The following GNG5 variants were observed in gnomAD, a reference collection of about 807,000 sequenced individuals.
The protein encoded by GNG5 is G protein subunit gamma 5, also known as guanine nucleotide-binding protein G(I)/G(S)/G(O) subunit gamma-5.
Under a neutral mutation model 6.2 loss-of-function variants are expected in GNG5, and 2 were observed. That is an observed-to-expected ratio of 0.32 (90% CI 0.13 to 1.01). The LOEUF (loss-of-function observed/expected upper bound fraction) is 1.01, where lower values mean the gene tolerates loss of function less well. Among genes scored for constraint, GNG5 ranks in the 50% least tolerant of loss-of-function variants. The probability of loss-of-function intolerance (pLI) is 0.48; values close to 1 mark genes in which losing one functional copy is unlikely to be tolerated. For missense variants in GNG5, 57 were observed against 80.2 expected (o/e 0.71, Z 1.10); for synonymous variants, 24 against 33.0 (o/e 0.73, Z 0.93).
intron 3 of GNG5, among the ~76,000 whole-genome samples, chr1:84,498,751 G>A (rs1005283268): frequency 2.6e-5 from 4 of 152,106 alleles, no homozygotes; most frequent in Non-Finnish European, 4.4e-5. Context: ...AGATTAACTT[G>A]CTAAGATTAC....
intron 3 of GNG5, among the ~76,000 whole-genome samples, chr1:84,500,478 A>C (rs1190707081): frequency 6.6e-6 from 1 of 152,218 alleles, no homozygotes; most frequent in Non-Finnish European, 1.5e-5. Flanking sequence ...TATTTTATTC[A>C]AATGAAAATA....
chr1:84,505,963 C>CCCG (rs749498751), intron 2 of GNG5, 48 bp downstream of exon 2: 35 of 1,359,676 alleles, frequency 2.6e-5, no homozygotes, highest in East Asian at 6.3e-5. Flanking sequence ...CCGGATCCCA[C>CCCG]CCGCCGCCGC....
Position 84,506,172 on chromosome 1 carries a change from C to T in GNG5, c.-81G>A. The T allele has an allele frequency of 1.7e-6, 2 of 1,164,376 alleles. No homozygotes were observed. Among genetic ancestry groups the T allele is most frequent in the Non-Finnish European group, 2.4e-6 (2 of 839,808 alleles). The allele number at this position is 1,164,376 out of a possible 1,614,324, so 72.1% of individuals were successfully genotyped here. A position where few individuals can be genotyped will look rare whatever the true frequency, so the allele number is the denominator to read the frequency against. On this transcript the variant is annotated 5_prime_UTR_variant, in exon 2 of 4. Coordinates refer to ENST00000370645, the MANE Select transcript of GNG5 (RefSeq NM_005274.3). ...GGCGGGGCCAGACAACTCAGCGGCG[C>T]GCGGCGGGGGCGGGGCTCCGAACTT...
Position 84,501,842 on chromosome 1 carries a change from T to A in GNG5, c.*3A>T, listed in dbSNP as rs1169024782. 1 of 1,607,730 alleles carries A rather than the reference T, an allele frequency of 6.2e-7. No individual in the cohort carries two copies. The highest frequency in any genetic ancestry group is 1.3e-5 in the African/African-American group (1 of 74,898). On this transcript the variant is annotated 3_prime_UTR_variant, in exon 3 of 4. Coordinates refer to ENST00000370645, the MANE Select transcript of GNG5 (RefSeq NM_005274.3). ...GAAACTTACCTTTGAAAGATTCATT[T>A]TACTACAAAAAGGAACAGACTTTCT... is the stretch of plus-strand genomic sequence containing the variant.
In GNG5 at chr1:84,506,154, C is replaced by T. The variant is rs1461945694; in HGVS notation, c.-63G>A. 9.3e-6 allele frequency: 13 copies of T among 1,390,736 alleles called. No individual in the cohort carries two copies. In the South Asian group the frequency reaches 1.5e-4, roughly 17 times the overall value. 86.1% of individuals were successfully genotyped at this position (1,390,736 alleles called of 1,614,324 possible). ...GGTCGTGGGCCGTGGGTCGGCGGGGCCAGACAACTCAGCGGCGCGCGGCGG... is the reference window on the plus strand; with the variant it reads ...GGTCGTGGGCCGTGGGTCGGCGGGGTCAGACAACTCAGCGGCGCGCGGCGG... On this transcript the variant is annotated 5_prime_UTR_variant, in exon 2 of 4. Coordinates refer to ENST00000370645, the MANE Select transcript of GNG5 (RefSeq NM_005274.3).
At chr1:84,499,473 AATAGAG>A (rs1682008653) in intron 3 of GNG5, among the ~76,000 whole-genome samples, 1 of 152,222 alleles carries the variant, frequency 6.6e-6, no homozygotes, top group Non-Finnish European at 1.5e-5. Flanking sequence ...CTAGAAACTT[AATAGAG>A]GTACTAAGTA....
intron 2 of GNG5, among the ~76,000 whole-genome samples, chr1:84,503,097 A>C (rs1682089766): frequency 1.3e-5 from 2 of 152,248 alleles, no homozygotes; most frequent in Non-Finnish European, 2.9e-5. Flanking sequence ...ACTGGGCAGA[A>C]ATCTGTCACT....
In GNG5 at chr1:84,506,312, G is replaced by A; in HGVS notation, c.-210-11C>T. 1 of 406,288 alleles carries A rather than the reference G, an allele frequency of 2.5e-6. No homozygotes were observed. Among genetic ancestry groups the A allele is most frequent in the Non-Finnish European group, 4.4e-6 (1 of 225,960 alleles). 25.2% of individuals were successfully genotyped at this position (406,288 alleles called of 1,614,324 possible). A position where few individuals can be genotyped will look rare whatever the true frequency, so the allele number is the denominator to read the frequency against. The stretch of plus-strand genomic sequence containing the variant: ...GCCCCGAGCGCGAGCCTGGAGGAGG[G>A]GGAGGAGAAGGGGCGGAGCAGTCGG... On this transcript the variant is annotated splice_polypyrimidine_tract_variant and intron_variant, in intron 1 of 3. Transcript: ENST00000370645.
At chr1:84,505,870 C>T in intron 2 of GNG5, 141 bp downstream of exon 2, 2 of 524,024 alleles carry the variant, frequency 3.8e-6, no homozygotes, top group Non-Finnish European at 6.0e-6. Context: ...TGGCCGCTCC[C>T]CGATCGCCGC....
rs1682061541 is a variant in GNG5 at position 84,501,769 on chromosome 1, G to C, written c.*19+57C>G. On this transcript the variant is annotated intron_variant, in intron 3 of 3. Coordinates refer to ENST00000370645, the MANE Select transcript of GNG5 (RefSeq NM_005274.3). ...TGATCTTTTAAGTGCTGCAAAGAAAGAGAAGACTAGTTATTCCTACAGTGT... is the reference window on the plus strand; with the variant it reads ...TGATCTTTTAAGTGCTGCAAAGAAACAGAAGACTAGTTATTCCTACAGTGT... The C allele has an allele frequency of 1.1e-5, 11 of 1,034,198 alleles. No homozygotes were observed. The Admixed American group carries it at 2.0e-4, about 19-fold the overall frequency. The allele number at this position is 1,034,198 out of a possible 1,614,324, so 64.1% of individuals were successfully genotyped here. A position where few individuals can be genotyped will look rare whatever the true frequency, so the allele number is the denominator to read the frequency against.
Position 84,506,151 on chromosome 1 carries a change from G to T in GNG5, c.-60C>A. On this transcript the variant is annotated 5_prime_UTR_variant, in exon 2 of 4. Transcript: ENST00000370645. The stretch of plus-strand genomic sequence containing the variant: ...GTGGGTCGTGGGCCGTGGGTCGGCG[G>T]GGCCAGACAACTCAGCGGCGCGCGG... The T allele has an allele frequency of 1.4e-6, 2 of 1,426,550 alleles. No individual in the cohort carries two copies. The highest frequency in any genetic ancestry group is 1.3e-5 in the South Asian group (1 of 78,638). 88.4% of individuals were successfully genotyped at this position (1,426,550 alleles called of 1,614,324 possible). A position where few individuals can be genotyped will look rare whatever the true frequency, so the allele number is the denominator to read the frequency against.
intron 3 of GNG5, among the ~76,000 whole-genome samples, chr1:84,499,371 T>G (rs1682005723): frequency 6.6e-6 from 1 of 152,190 alleles, no homozygotes; most frequent in Non-Finnish European, 1.5e-5. Flanking sequence ...AAAAACATTC[T>G]CATGTTTCTA....
At chr1:84,504,572 A>G (rs1682123578) in intron 2 of GNG5, among the ~76,000 whole-genome samples, 1 of 152,138 alleles carries the variant, frequency 6.6e-6, no homozygotes, top group Non-Finnish European at 1.5e-5. Context: ...GGTCCATCCT[A>G]TCTATGATAA....
At chr1:84,503,709 C>CT (rs1277499232) in intron 2 of GNG5, 2 of 152,206 alleles carry the variant, frequency 1.3e-5, no homozygotes, top group Non-Finnish European at 2.9e-5. Flanking sequence ...AATTTTCAAG[C>CT]ACCACTATGT....
intron 2 of GNG5, among the ~76,000 whole-genome samples, chr1:84,504,152 A>G (rs1682110649): frequency 6.6e-6 from 1 of 152,234 alleles, no homozygotes; most frequent in Admixed American, 6.5e-5. Flanking sequence ...GTACTCACAC[A>G]TAAAGGTTAA....
Position 84,506,029 on chromosome 1 carries a change from G to C in GNG5, c.63C>G (p.Ala21=), listed in dbSNP as rs905750622. 1.1e-5 allele frequency: 18 copies of C among 1,568,038 alleles called. No homozygotes were observed. Among genetic ancestry groups the C allele is most frequent in the Non-Finnish European group, 1.6e-5 (18 of 1,159,738 alleles). The change falls in exon 2 of 4, where the codon GCC becomes GCG. Residue 21 remains alanine, a synonymous_variant. Coordinates refer to ENST00000370645, the MANE Select transcript of GNG5 (RefSeq NM_005274.3). ...CGCTCACTTTTACGCGGTTGAGTCCGGCCTCCAGCCGGAGCTGTTGAACCA... is the reference window on the plus strand; with the variant it reads ...CGCTCACTTTTACGCGGTTGAGTCCCGCCTCCAGCCGGAGCTGTTGAACCA... ...KKVVQQLRLE[A]GLNRVKVSQA...
chr1:84,499,737 CTG>C (rs1253110814), intron 3 of GNG5, among the ~76,000 whole-genome samples: 2 of 152,044 alleles, frequency 1.3e-5, no homozygotes, highest in East Asian at 3.9e-4. Flanking sequence ...GTTTTTAATC[CTG>C]TGTTATTCTA....
At chr1:84,502,278 C>G (rs1265360232) in intron 2 of GNG5, among the ~76,000 whole-genome samples, 1 of 151,740 alleles carries the variant, frequency 6.6e-6, no homozygotes, top group Non-Finnish European at 1.5e-5. Flanking sequence ...GGACTACAGG[C>G]GCACGTCACC....
intron 2 of GNG5, 23 bp from the exon 3 acceptor site, chr1:84,501,993 GA>G (rs530455253): frequency 0.011 from 17,120 of 1,595,692 alleles, 113 homozygotes; most frequent in Non-Finnish European, 0.012. Context: ...AAGAGGGGGG[GA>G]AGTGCCAGAT....
Sources: gnomAD v4.1 joint callset for allele counts (sites outside exome capture counted in the v4.1 genomes callset) on GRCh38, gnomAD v4.1.1 for gene constraint, MANE v1.5 for transcripts, NCBI Gene and HGNC (gene_info 2026-07-23, HGNC 2026-07-21) for gene names.